Variants in NTRK1 observed in about 807,000 individuals in gnomAD.
The protein encoded by NTRK1 is neurotrophic receptor tyrosine kinase 1, also known as high affinity nerve growth factor receptor.
A neutral mutation model predicts 86.8 loss-of-function variants in NTRK1; 62 were observed. The observed-to-expected ratio is 0.71, with a 90% CI of 0.58 to 0.88. The LOEUF is 0.88. Ranked by LOEUF, NTRK1 falls within the 40% of genes least tolerant of loss-of-function variation. The pLI, the probability that NTRK1 is intolerant of heterozygous loss-of-function variation, is 0.00. For synonymous variants in NTRK1, 469 were observed against 456.6 expected, an observed-to-expected ratio of 1.03 and a Z score of -0.35; for missense variants, 967 against 1,078.4, an observed-to-expected ratio of 0.90 and a Z score of 1.45.
intron 1 of NTRK1, among the ~76,000 whole-genome samples, chr1:156,834,453 A>G (rs1316853787): frequency 1.3e-5 from 2 of 152,148 alleles, no homozygotes; most frequent in African/African-American, 4.8e-5. Flanking sequence ...AGAACTATAG[A>G]CAGAGACCGA....
In NTRK1 at chr1:156,873,623, T is replaced by A; in HGVS notation, c.851-10T>A. 1 of 1,609,356 alleles carries A rather than the reference T, an allele frequency of 6.2e-7. No homozygotes were observed. Among genetic ancestry groups the A allele is most frequent in the Non-Finnish European group, 8.5e-7 (1 of 1,179,012 alleles). ...CCTGACCTCCTGCTGTTGCTCTTTC[T>A]GGCCCACAGTCCCGGCCAGTGTGCA... On this transcript the variant is annotated splice_polypyrimidine_tract_variant and intron_variant, in intron 7 of 16. Coordinates refer to ENST00000524377, the MANE Select transcript of NTRK1 (RefSeq NM_002529.4).
intron 2 of NTRK1, chr1:156,845,849 G>A (rs1434970580): frequency 1.3e-6 from 2 of 1,591,836 alleles, no homozygotes; most frequent in East Asian, 2.3e-5. Flanking sequence ...AGTAAGACAG[G>A]CGGTCTACCC....
chr1:156,838,707 T>G (rs1409971552), intron 1 of NTRK1, among the ~76,000 whole-genome samples: 2 of 152,266 alleles, frequency 1.3e-5, no homozygotes, highest in African/African-American at 4.8e-5. Flanking sequence ...GAAGTACTTC[T>G]GGGCCAGACA....
intron 2 of NTRK1, among the ~76,000 whole-genome samples, chr1:156,850,534 CTTTTTTTTTTTTTTTTT>C (rs35237064): frequency 3.4e-5 from 2 of 58,618 alleles, no homozygotes; most frequent in East Asian, 5.4e-4. Flanking sequence ...TTAAAACATT[CTTTTTTTTTTTTTTTTT>C]TTTTTTTTTT....
intron 1 of NTRK1, chr1:156,841,934 A>G: frequency 1.3e-6 from 2 of 1,555,258 alleles, no homozygotes; most frequent in Non-Finnish European, 1.8e-6. Flanking sequence ...AATGGACCTC[A>G]GAACTCATCC....
exon 2 of NTRK1, chr1:156,842,153 C>A (rs755716153): frequency 5.0e-6 from 8 of 1,613,982 alleles, no homozygotes; most frequent in Non-Finnish European, 5.1e-6. Context: ...CATGCAGTTG[C>A]GGGCTGCTAG....
At chr1:156,872,961 G>A (rs1007173864) in intron 7 of NTRK1, among the ~76,000 whole-genome samples, 5 of 151,952 alleles carry the variant, frequency 3.3e-5, no homozygotes, top group Admixed American at 6.6e-5. Context: ...ACAGGCGTGA[G>A]CCACCGCGCC....
intron 2 of NTRK1, among the ~76,000 whole-genome samples, chr1:156,855,054 T>C (rs770706648): frequency 1.3e-5 from 2 of 152,208 alleles, no homozygotes; most frequent in Non-Finnish European, 2.9e-5. Context: ...AGCTTCTGCC[T>C]TGGGGTCTTT....
upstream of NTRK1, among the ~76,000 whole-genome samples, chr1:156,860,415 A>G (rs1377245999): frequency 6.6e-6 from 1 of 152,208 alleles, no homozygotes; most frequent in Non-Finnish European, 1.5e-5. Flanking sequence ...TTCTTCCTAG[A>G]GTTCGGAGAA....
chr1:156,868,988 C>T (rs1018902212), intron 6 of NTRK1, among the ~76,000 whole-genome samples: 1 of 144,562 alleles, frequency 6.9e-6, no homozygotes, highest in African/African-American at 2.6e-5. Flanking sequence ...ACCCAACAGA[C>T]CATCCCTCCC....
intron 1 of NTRK1, chr1:156,840,915 A>C (rs756480637): frequency 7.3e-5 from 117 of 1,613,746 alleles, no homozygotes; most frequent in Non-Finnish European, 9.7e-5. Flanking sequence ...AGTCTCTTGG[A>C]GTGGGTGAGG....
intron 1 of NTRK1, among the ~76,000 whole-genome samples, chr1:156,839,223 C>G (rs971706063): frequency 2.6e-5 from 4 of 152,252 alleles, no homozygotes; most frequent in African/African-American, 7.2e-5. Context: ...CCACTCCACT[C>G]TGGTGTGAGG....
chr1:156,859,354 C>T (rs925145895), upstream of NTRK1, among the ~76,000 whole-genome samples: 3 of 152,174 alleles, frequency 2.0e-5, no homozygotes, highest in African/African-American at 4.8e-5. The surrounding 1 kb of genome is among the most constrained non-coding windows in gnomAD (Gnocchi z 6.2). Flanking sequence ...TCCCGCCAAC[C>T]CTTTGTCCCC....
At chr1:156,829,232 G>C (rs942097215) in intron 1 of NTRK1, among the ~76,000 whole-genome samples, 1 of 152,206 alleles carries the variant, frequency 6.6e-6, no homozygotes, top group African/African-American at 2.4e-5. Flanking sequence ...TGAGGTGACA[G>C]GTGAGAAGGA....
chr1:156,868,723 C>T (rs1647335993), intron 6 of NTRK1, 76 bp downstream of exon 6: 1 of 1,527,542 alleles, frequency 6.5e-7, no homozygotes, highest in Non-Finnish European at 8.8e-7. Flanking sequence ...AAGAGAGACA[C>T]ACTGTGGAGG....
At chr1:156,847,594 T>G (rs200973970) in intron 2 of NTRK1, among the ~76,000 whole-genome samples, 1 of 150,954 alleles carries the variant, frequency 6.6e-6, no homozygotes, top group East Asian at 2.0e-4. Flanking sequence ...TGGGTGGCAG[T>G]GGGGGAACTT....
chr1:156,858,421 A>T, upstream of NTRK1: 1 of 787,316 alleles, frequency 1.3e-6, no homozygotes, highest in Non-Finnish European at 2.3e-6. Flanking sequence ...GCTAACCCCA[A>T]CCCCCATGTT....
At chr1:156,879,387 C>G (rs1205735947) in intron 15 of NTRK1, 25 bp downstream of exon 15, 1 of 1,584,998 alleles carries the variant, frequency 6.3e-7, no homozygotes, top group Non-Finnish European at 8.6e-7. Context: ...TCCCCAACGC[C>G]TTCCCCTGCA....
At position 156,881,539 on chromosome 1, in the gene NTRK1, G is replaced by C; in HGVS notation, c.2288G>C (p.Cys763Ser). ...PPEVYAIMRG[C>S]WQREPQQRHS... ...GAGGTCTACGCCATCATGCGGGGCT[G>C]CTGGCAGCGGGAGCCCCAGCAACGC... is the stretch of plus-strand genomic sequence containing the variant. Residue 763 changes from cysteine to serine, a missense_variant, in exon 17 of 17, where the codon TGC becomes TCC. Coordinates refer to ENST00000524377, the MANE Select transcript of NTRK1 (RefSeq NM_002529.4). The C allele has an allele frequency of 6.2e-7, 1 of 1,605,740 alleles. No homozygotes were observed. The highest frequency in any genetic ancestry group is 8.5e-7 in the Non-Finnish European group (1 of 1,176,434).
Sources: gnomAD v4.1 joint callset for allele counts (sites outside exome capture counted in the v4.1 genomes callset) on GRCh38, gnomAD v4.1.1 for gene constraint, Gnocchi (gnomAD v3.1) non-coding constraint, MANE v1.5 for transcripts, NCBI Gene and HGNC (gene_info 2026-07-23, HGNC 2026-07-21) for gene names.